The following TEKTL1 variants were observed in gnomAD, a reference collection of about 807,000 sequenced individuals.
The protein encoded by TEKTL1 is tektin like 1.
the TEKTL1 span, chr19:15,010,919 G>A: frequency 6.3e-7 from 1 of 1,577,378 alleles, no homozygotes; most frequent in Non-Finnish European, 8.6e-7. Context: ...GGCGAGGACC[G>A]CGCACATTCT....
the TEKTL1 span, chr19:15,022,723 T>TTA: frequency 4.4e-5 from 22 of 496,106 alleles, no homozygotes; most frequent in African/African-American, 7.6e-5. Context: ...CCTGTCGCGG[T>TTA]TTTTTTTTTT....
At chr19:15,014,218 C>T in the TEKTL1 span, among the ~76,000 whole-genome samples, 5 of 152,166 alleles carry the variant, frequency 3.3e-5, no homozygotes, top group South Asian at 2.1e-4. Flanking sequence ...CTGCATCCTT[C>T]GCACTTGCAA....
At chr19:15,011,148 G>A in the TEKTL1 span, 1 of 1,527,114 alleles carries the variant, frequency 6.5e-7, no homozygotes, top group Non-Finnish European at 8.8e-7. Context: ...TGGTACGCCC[G>A]CCTGCCGCTA....
the TEKTL1 span, chr19:15,013,635 T>C: frequency 6.7e-7 from 1 of 1,502,624 alleles, no homozygotes; most frequent in Non-Finnish European, 9.2e-7. Context: ...CCCAGCCCTT[T>C]CTTAACGATG....
At chr19:15,010,783 C>A in the TEKTL1 span, 1 of 1,481,654 alleles carries the variant, frequency 6.7e-7, no homozygotes, top group South Asian at 1.3e-5. Context: ...CCCTTCCGCT[C>A]CGCCTAGGGT....
At chr19:15,013,747 G>A in the TEKTL1 span, 1 of 1,613,532 alleles carries the variant, frequency 6.2e-7, no homozygotes, top group South Asian at 1.1e-5. Flanking sequence ...AATGGAGAGA[G>A]ATATGGAAAA....
chr19:15,011,117 G>T, the TEKTL1 span: 3 of 1,551,868 alleles, frequency 1.9e-6, no homozygotes, highest in Non-Finnish European at 1.7e-6. Flanking sequence ...GCTGTGGAAG[G>T]GCAAGATGAA....
chr19:15,020,574 A>T, the TEKTL1 span: 1 of 1,613,888 alleles, frequency 6.2e-7, no homozygotes, highest in Non-Finnish European at 8.5e-7. Flanking sequence ...GACGCCACTC[A>T]TGGGTGAACC....
At chr19:15,021,699 C>T in the TEKTL1 span, 1 of 1,613,986 alleles carries the variant, frequency 6.2e-7, no homozygotes, top group Non-Finnish European at 8.5e-7. Context: ...ACACCACCCA[C>T]GGTCTCATCA....
the TEKTL1 span, chr19:15,011,246 G>A: frequency 1.0e-5 from 15 of 1,500,880 alleles, no homozygotes; most frequent in East Asian, 3.7e-4. Context: ...CGCCCGCCTC[G>A]GCCGCGCGCA....
At chr19:15,022,128 C>T in the TEKTL1 span, among the ~76,000 whole-genome samples, 1 of 152,042 alleles carries the variant, frequency 6.6e-6, no homozygotes, top group East Asian at 1.9e-4. Flanking sequence ...AAATAAGTCC[C>T]CTCAACCCCT....
chr19:15,022,620 C>T, the TEKTL1 span, among the ~76,000 whole-genome samples: 3 of 152,120 alleles, frequency 2.0e-5, no homozygotes, highest in East Asian at 3.9e-4. Context: ...TGAGCCACCG[C>T]GTCCGGCCCT....
At chr19:15,020,717 G>A in the TEKTL1 span, 1 of 1,449,754 alleles carries the variant, frequency 6.9e-7, no homozygotes, top group South Asian at 1.2e-5. Context: ...TTGACTGTCA[G>A]TGCAGCCCGT....
the TEKTL1 span, chr19:15,023,076 C>A: frequency 1.2e-6 from 2 of 1,609,032 alleles, no homozygotes; most frequent in South Asian, 2.2e-5. Context: ...GACTGGGACC[C>A]GCGCACGCCG....
At chr19:15,013,180 G>C in the TEKTL1 span, among the ~76,000 whole-genome samples, 6 of 152,026 alleles carry the variant, frequency 3.9e-5, no homozygotes, top group East Asian at 1.2e-3. Flanking sequence ...AAAAATTCCT[G>C]CCTCCCGGGG....
chr19:15,022,650 C>T, the TEKTL1 span, among the ~76,000 whole-genome samples: 1 of 151,844 alleles, frequency 6.6e-6, no homozygotes, highest in Admixed American at 6.6e-5. Context: ...TTATTAAGTA[C>T]CCTTCCTAAG....
the TEKTL1 span, chr19:15,013,757 A>T: frequency 6.2e-7 from 1 of 1,612,874 alleles, no homozygotes; most frequent in South Asian, 1.1e-5. Flanking sequence ...GATATGGAAA[A>T]ATCAGAGGTC....
At chr19:15,021,476 G>A in the TEKTL1 span, 1 of 1,614,218 alleles carries the variant, frequency 6.2e-7, no homozygotes, top group Non-Finnish European at 8.5e-7. Context: ...GACCGTGTGT[G>A]TGCCTCGCTG....
chr19:15,010,918 C>G, the TEKTL1 span: 9 of 1,576,810 alleles, frequency 5.7e-6, no homozygotes, highest in South Asian at 1.2e-5. Flanking sequence ...TGGCGAGGAC[C>G]GCGCACATTC....
Sources: gnomAD v4.1 joint callset for allele counts (sites outside exome capture counted in the v4.1 genomes callset) on GRCh38, gnomAD v4.1.1 for gene constraint, MANE v1.5 for transcripts, NCBI Gene and HGNC (gene_info 2026-07-23, HGNC 2026-07-21) for gene names.